GANAB: variants seen among roughly 807,000 people sequenced by gnomAD.
The protein encoded by GANAB is neutral alpha-glucosidase AB.
A neutral mutation model predicts 129.9 loss-of-function variants in GANAB; 35 were observed. That is an observed-to-expected ratio of 0.27 (90% CI 0.21 to 0.36). The LOEUF (loss-of-function observed/expected upper bound fraction) is 0.36, where lower values mean the gene tolerates loss of function less well. Ranked by LOEUF, GANAB falls within the 10% of genes least tolerant of loss-of-function variation. GANAB has a pLI of 1.00. For missense variants in GANAB, 939 were observed against 1,221.0 expected (o/e 0.77, Z 3.44); for synonymous variants, 482 against 451.8 (o/e 1.07, Z -0.85).
Position 62,628,835 on chromosome 11 carries a change from T to C in GANAB, c.2114A>G (p.Tyr705Cys). 1 of 1,613,998 alleles carries C rather than the reference T, an allele frequency of 6.2e-7. No homozygotes were observed. The highest frequency in any genetic ancestry group is 8.5e-7 in the Non-Finnish European group (1 of 1,179,916). ...GGTGTACCAGAAGGGCAGCAAAGAA[T>C]ATCGCTGGCCCAAGGCATCTCGGAT... ...DIIRDALGQR[Y>C]SLLPFWYTLL... is the part of the protein sequence containing the mutation. Residue 705 changes from tyrosine (Y) to cysteine (C), a missense_variant, in exon 17 of 24, where the codon TAT becomes TGT. Physicochemically the swap from Tyr to Cys is radical, Grantham distance 194. Coordinates refer to ENST00000356638, the MANE Select transcript of GANAB (RefSeq NM_198334.3).
chr11:62,641,668 C>A (rs1944270241), intron 1 of GANAB, among the ~76,000 whole-genome samples: 1 of 152,038 alleles, frequency 6.6e-6, no homozygotes, highest in Admixed American at 6.6e-5. Context: ...GTAACCTCCG[C>A]CTCCCAGGTT....
chr11:62,633,551 G>A (rs751875142), intron 5 of GANAB, 37 bp from the exon 6 acceptor site: 76 of 1,588,724 alleles, frequency 4.8e-5, no homozygotes, highest in Non-Finnish European at 6.4e-5. Flanking sequence ...CAATCCAGAG[G>A]GGGCAGGGAC....
chr11:62,639,206 A>T (rs1312224211), intron 3 of GANAB, 96 bp from the exon 4 acceptor site: 2 of 1,442,622 alleles, frequency 1.4e-6, no homozygotes, highest in African/African-American at 2.8e-5. Context: ...TCTTCCTTTG[A>T]GCCCTTTGCC....
intron 4 of GANAB, among the ~76,000 whole-genome samples, chr11:62,637,983 T>C (rs1057282973): frequency 6.6e-6 from 1 of 151,204 alleles, no homozygotes; most frequent in African/African-American, 2.4e-5. Flanking sequence ...ACAAAAAATA[T>C]ATATAATTTA....
Position 62,639,961 on chromosome 11 carries a change from C to A in GANAB, c.39-230G>T, listed in dbSNP as rs147923859. On this transcript the variant is annotated intron_variant, in intron 1 of 23. Transcript: ENST00000356638. ...CCTTTGAAAGGCAGAGTAGGCTGGG[C>A]GTGGTGGCTCACTCCTGTAATCCCA... 1.2e-3 allele frequency: 592 copies of A among 499,538 alleles called. 1 individual carries two copies. Among genetic ancestry groups the A allele is most frequent in the Non-Finnish European group, 1.8e-3 (498 of 276,312 alleles). The allele number at this position is 499,538 out of a possible 1,614,324, so 30.9% of individuals were successfully genotyped here. A position where few individuals can be genotyped will look rare whatever the true frequency, so the allele number is the denominator to read the frequency against.
chr11:62,635,182 C>CT (rs1251084006), intron 4 of GANAB, among the ~76,000 whole-genome samples, 182 bp from the exon 5 acceptor site: 1,822 of 151,516 alleles, frequency 0.012, 36 homozygotes, highest in African/African-American at 0.042. Context: ...ATATTTATTA[C>CT]TTTTTTCTTT....
Position 62,639,408 on chromosome 11 carries a change from T to C in GANAB, c.203A>G (p.Gln68Arg), listed in dbSNP as rs150062507. The change falls in exon 3 of 24, where the codon CAG becomes CGG. Residue 68 changes from glutamine to arginine, a missense_variant. Physicochemically the swap from Gln to Arg is conservative, Grantham distance 43. Coordinates refer to ENST00000356638, the MANE Select transcript of GANAB (RefSeq NM_198334.3). The part of the protein sequence containing the change: ...SPYRALLDSL[Q>R]LGPDSLTVHL... Reference sequence around the variant, plus strand: ...GACCGTGAGGGAATCAGGACCAAGCTGTAGAGAGTCCAGCAAGGCTCGGTA... The same window carrying C: ...GACCGTGAGGGAATCAGGACCAAGCCGTAGAGAGTCCAGCAAGGCTCGGTA... 1.3e-4 allele frequency: 214 copies of C among 1,613,540 alleles called. 1 individual carries two copies. The East Asian group carries it at 3.5e-3, about 27-fold the overall frequency.
intron 5 of GANAB, 85 bp from the exon 6 acceptor site, chr11:62,633,599 C>T: frequency 8.3e-7 from 1 of 1,204,778 alleles, no homozygotes; most frequent in Non-Finnish European, 1.2e-6. Context: ...GAATAGAGAG[C>T]CAAGGGTCCA....
Position 62,629,240 on chromosome 11 carries a change from A to G in GANAB, c.1890T>C (p.Ile630=), listed in dbSNP as rs373010379. Residue 630 remains isoleucine, a synonymous_variant, in exon 16 of 24, where the codon ATT becomes ATC. Coordinates refer to ENST00000356638, the MANE Select transcript of GANAB (RefSeq NM_198334.3). The part of the protein sequence containing the change: ...TAEWDHLKIS[I]PMCLSLGLVG... ...CCAGCCCCAAGCTGAGACACATAGG[A>G]ATAGAGATCTTCAAATGGTCCCACT... The G allele has an allele frequency of 7.4e-6, 12 of 1,613,714 alleles. No homozygotes were observed. In the African/African-American group the frequency reaches 1.5e-4, roughly 20 times the overall value.
intron 12 of GANAB, 47 bp from the exon 13 acceptor site, chr11:62,630,323 GCCA>G (rs758842215): frequency 3.7e-6 from 6 of 1,613,232 alleles, no homozygotes; most frequent in Non-Finnish European, 5.1e-6. Context: ...GGGCAAAAGA[GCCA>G]CCATTCTACC....
At chr11:62,635,944 TTCTA>T (rs1943922345) in intron 4 of GANAB, among the ~76,000 whole-genome samples, 1 of 151,904 alleles carries the variant, frequency 6.6e-6, no homozygotes, top group Non-Finnish European at 1.5e-5. Context: ...GATATCATAT[TTCTA>T]TCTAATACCA....
intron 1 of GANAB, among the ~76,000 whole-genome samples, chr11:62,641,624 T>C (rs902552915): frequency 6.6e-6 from 1 of 151,938 alleles, no homozygotes; most frequent in Non-Finnish European, 1.5e-5. Context: ...TCCATCACCC[T>C]GGCTAGAGTG....
At position 62,632,765 on chromosome 11, in the gene GANAB, CTT is replaced by C. The variant is rs749333663; in HGVS notation, c.816-22_816-21del. On this transcript the variant is annotated intron_variant, in intron 8 of 23. Transcript: ENST00000356638. ...CCACCCCTGCAGGCAAACAGACAGA[CTT>C]GGGCTGCTAACTGGCCCCAGGCTGC... 2.0e-5 allele frequency: 32 copies of C among 1,603,600 alleles called. 1 individual carries two copies. Among genetic ancestry groups the C allele is most frequent in the Non-Finnish European group, 2.6e-5 (31 of 1,171,918 alleles).
chr11:62,646,577 G>T lies in GANAB; in HGVS notation c.23C>A (p.Ala8Glu), dbSNP rs751022869. 1 of 1,613,630 alleles carries T rather than the reference G, an allele frequency of 6.2e-7. No homozygotes were observed. Among genetic ancestry groups the T allele is most frequent in the South Asian group, 1.1e-5 (1 of 91,078 alleles). Residue 8 changes from alanine (A) to glutamate (E), a missense_variant, in exon 1 of 24, where the codon GCG (alanine) becomes GAG (glutamate). Around this residue, in one of 5 missense-constraint regions of GANAB, gnomAD observed 321 missense variants for 329.1 expected, o/e 0.98. Coordinates refer to ENST00000356638, the MANE Select transcript of GANAB (RefSeq NM_198334.3). Reference sequence around the variant, plus strand: ...GGCTCCTCACCGCCTCCTACGCGCCGCCACTGCCGCTACCGCCGCCATCTT... The same window carrying T: ...GGCTCCTCACCGCCTCCTACGCGCCTCCACTGCCGCTACCGCCGCCATCTT... MAAVAAV[A>E]ARRRRSWASL...
chr11:62,630,440 C>G lies in GANAB; in HGVS notation c.1452G>C (p.Arg484=), dbSNP rs1171048187. The G allele has an allele frequency of 6.2e-7, 1 of 1,614,214 alleles. No homozygotes were observed. The stretch of plus-strand genomic sequence containing the variant: ...GGGTTTTAACATACAGCCCCAGGTT[C>G]CGCAGCTCCTCGTGAACTCGGTAGC... The part of the protein sequence containing the change: ...DSGYRVHEEL[R]NLGLYVKTRD... Residue 484 remains arginine (R), a synonymous_variant, in exon 12 of 24, where the codon CGG becomes CGC. Coordinates refer to ENST00000356638, the MANE Select transcript of GANAB (RefSeq NM_198334.3).
chr11:62,628,735 A>G (rs1418607613), intron 17 of GANAB, 34 bp downstream of exon 17: 3 of 1,604,586 alleles, frequency 1.9e-6, no homozygotes, highest in Admixed American at 3.3e-5. Flanking sequence ...CAGCCACCTC[A>G]GCCCACTCTT....
Position 62,639,031 on chromosome 11 carries a change from G to C in GANAB, c.332C>G (p.Pro111Arg), listed in dbSNP as rs147598095. The C allele has an allele frequency of 1.7e-5, 28 of 1,613,606 alleles. No individual in the cohort carries two copies. In the African/African-American group the frequency reaches 3.7e-4, roughly 22 times the overall value. The part of the protein sequence containing the change: ...FRIDELEPRR[P>R]RYRVPDVLVA... ...CAAAACATCTGGTACACGGTATCGGGGTCGCCGAGGCTCCAGCTCATCAAT... is the reference window on the plus strand; with the variant it reads ...CAAAACATCTGGTACACGGTATCGGCGTCGCCGAGGCTCCAGCTCATCAAT... Residue 111 changes from proline (P) to arginine (R), a missense_variant, in exon 4 of 24, where the codon CCC becomes CGC. This residue lies in a region of GANAB where 321 missense variants were observed against 329.1 expected (regional missense o/e 0.98). Coordinates refer to ENST00000356638, the MANE Select transcript of GANAB (RefSeq NM_198334.3).
chr11:62,636,816 G>A (rs1295741447), intron 4 of GANAB, among the ~76,000 whole-genome samples: 2 of 152,074 alleles, frequency 1.3e-5, no homozygotes, highest in East Asian at 1.9e-4. Context: ...CCAGCTACTC[G>A]GGAGGCTGAT....
At position 62,633,482 on chromosome 11, in the gene GANAB, C is replaced by T; in HGVS notation, c.593G>A (p.Gly198Glu). 6.2e-7 allele frequency: 1 copy of T among 1,614,010 alleles called. No individual in the cohort carries two copies. The highest frequency in any genetic ancestry group is 8.5e-7 in the Non-Finnish European group (1 of 1,180,024). Residue 198 changes from glycine (G) to glutamate (E), a missense_variant, in exon 6 of 24, where the codon GGG (glycine) becomes GAG (glutamate). By Grantham distance (98) the Gly-to-Glu change is moderately conservative. Coordinates refer to ENST00000356638, the MANE Select transcript of GANAB (RefSeq NM_198334.3). ...CCTGGGTGTTTCCTCAGGCTGGGCC[C>T]CATCGCCCTCAGCTGGGTCTTTTGA... is the stretch of plus-strand genomic sequence containing the variant. ...QGSKDPAEGD[G>E]AQPEETPRDG...
Sources: gnomAD v4.1 joint callset for allele counts (sites outside exome capture counted in the v4.1 genomes callset) on GRCh38, gnomAD v4.1.1 for gene constraint, gnomAD v4.1.1 regional missense constraint, MANE v1.5 for transcripts, NCBI Gene and HGNC (gene_info 2026-07-23, HGNC 2026-07-21) for gene names.